Variants in SEC31B observed in about 807,000 individuals in gnomAD.
SEC31B encodes protein transport protein Sec31B.
In SEC31B, 113 loss-of-function variants were observed where a neutral mutation model predicts 135.0. That is an observed-to-expected ratio of 0.84 (90% confidence interval 0.72 to 0.98). SEC31B has a LOEUF of 0.98. Ranked by LOEUF, SEC31B falls within the 50% of genes least tolerant of loss-of-function variation. The pLI, the probability that SEC31B is intolerant of heterozygous loss-of-function variation, is 0.00. For missense variants in SEC31B, 1,296 were observed against 1,421.1 expected (o/e 0.91, Z 1.42); for synonymous variants, 508 against 549.4 (o/e 0.92, Z 1.05).
At chr10:100,511,767 C>T (rs1851741559) in intron 3 of SEC31B, among the ~76,000 whole-genome samples, 1 of 152,130 alleles carries the variant, frequency 6.6e-6, no homozygotes, top group South Asian at 2.1e-4. Flanking sequence ...CACATTCAAG[C>T]CAAAATAACT....
chr10:100,490,521 C>G (rs1851282464), intron 20 of SEC31B, 185 bp downstream of exon 20: 2 of 850,806 alleles, frequency 2.4e-6, no homozygotes, highest in Non-Finnish European at 3.5e-6. Context: ...TTGAAATAAG[C>G]AACACAACAC....
intron 5 of SEC31B, chr10:100,508,488 G>C (rs1480774191): frequency 2.2e-6 from 1 of 464,848 alleles, no homozygotes; most frequent in East Asian, 6.8e-5. Context: ...ACAGAAGAAA[G>C]AGAAAAGGCC....
rs1273568919 is a variant in SEC31B, at chr10:100,488,790, C to A, written c.3288+68G>T. On this transcript the variant is annotated intron_variant, in intron 24 of 25. Transcript: ENST00000370345. ...AAGAGAGTCACACAAGGAACTGGTC[C>A]ACAGCTGAGGGGTCCTGGAGCCAGC... 2.7e-6 allele frequency: 4 copies of A among 1,502,446 alleles called. No individual in the cohort carries two copies. In the East Asian group the frequency reaches 9.5e-5, roughly 36 times the overall value. 93.1% of individuals were successfully genotyped at this position (1,502,446 alleles called of 1,614,324 possible). A position where few individuals can be genotyped will look rare whatever the true frequency, so the allele number is the denominator to read the frequency against.
chr10:100,499,284 G>T, intron 12 of SEC31B, 26 bp from the exon 13 acceptor site: 1 of 1,542,744 alleles, frequency 6.5e-7, no homozygotes, highest in Non-Finnish European at 8.9e-7. Flanking sequence ...TCTGAAAACC[G>T]CTCTTTCAAG....
At chr10:100,512,202 C>G (rs923602224) in intron 3 of SEC31B, among the ~76,000 whole-genome samples, 11 of 152,186 alleles carry the variant, frequency 7.2e-5, no homozygotes, top group Non-Finnish European at 1.2e-4. Context: ...AGATCCTCTA[C>G]TTTCTCCATG....
Position 100,490,890 on chromosome 10 carries a change from A to G in SEC31B, c.2473-7T>C, listed in dbSNP as rs1358577453. On this transcript the variant is annotated splice_polypyrimidine_tract_variant and splice_region_variant and intron_variant, in intron 19 of 25. Transcript: ENST00000370345. Reference sequence around the variant, plus strand: ...TTGGAGATGGAGTTGGGACCTATGAAGAGAAAAAAACATCAGCTCTTGGAA... The same window carrying G: ...TTGGAGATGGAGTTGGGACCTATGAGGAGAAAAAAACATCAGCTCTTGGAA... The G allele has an allele frequency of 7.0e-7, 1 of 1,425,742 alleles. No individual in the cohort carries two copies. Among genetic ancestry groups the G allele is most frequent in the South Asian group, 1.8e-5 (1 of 56,898 alleles). The allele number at this position is 1,425,742 out of a possible 1,614,324, so 88.3% of individuals were successfully genotyped here.
intron 11 of SEC31B, 80 bp from the exon 12 acceptor site, chr10:100,499,678 T>C: frequency 2.0e-6 from 2 of 1,019,554 alleles, no homozygotes; most frequent in Non-Finnish European, 3.0e-6. Flanking sequence ...TGGGTATCTG[T>C]GCCAGTATAC....
In SEC31B at chr10:100,490,238, C is replaced by G. The variant is rs372086301; in HGVS notation, c.2735G>C (p.Gly912Ala). The change falls in exon 21 of 26, where the codon GGT (glycine) becomes GCT (alanine). Residue 912 changes from glycine (G) to alanine (A), a missense_variant. Coordinates refer to ENST00000370345, the MANE Select transcript of SEC31B (RefSeq NM_015490.4). ...VGFPGTWPLP[G>A]SPLPMACPGI... ...TGGGCATGCCATGGGTAGAGGGGAA[C>G]CAGGAAGAGGCCATGTCCCAGGGAA... 6.1e-5 allele frequency: 98 copies of G among 1,613,422 alleles called. No individual in the cohort carries two copies. In the Middle Eastern group the frequency reaches 1.2e-3, roughly 19 times the overall value.
intron 3 of SEC31B, 88 bp downstream of exon 3, chr10:100,516,008 C>T (rs1851835384): frequency 6.8e-6 from 10 of 1,475,448 alleles, no homozygotes; most frequent in Admixed American, 2.3e-5. Flanking sequence ...CCTCACTTGG[C>T]TCCTCATGAG....
intron 15 of SEC31B, 85 bp from the exon 16 acceptor site, chr10:100,497,878 C>T: frequency 1.9e-6 from 3 of 1,606,826 alleles, no homozygotes; most frequent in South Asian, 1.1e-5. Flanking sequence ...CCTGTTAGAG[C>T]ACTGAGTAGG....
rs1589737640 is a variant in SEC31B at position 100,505,815 on chromosome 10, C to G, written c.1044+225G>C. On this transcript the variant is annotated intron_variant, in intron 9 of 25. Transcript: ENST00000370345. ...GGGTCCCACGGTCCCTGAAATACTA[C>G]AGGGCCCATCCAATAACAAGAGTCA... The G allele has an allele frequency of 5.5e-6, 8 of 1,455,952 alleles. No homozygotes were observed. In the East Asian group the frequency reaches 1.9e-4, roughly 35 times the overall value. The allele number at this position is 1,455,952 out of a possible 1,614,324, so 90.2% of individuals were successfully genotyped here. A position where few individuals can be genotyped will look rare whatever the true frequency, so the allele number is the denominator to read the frequency against.
At chr10:100,495,667 T>C (rs1477165404) in intron 18 of SEC31B, 121 bp from the exon 19 acceptor site, 1 of 1,066,152 alleles carries the variant, frequency 9.4e-7, no homozygotes, top group Non-Finnish European at 1.4e-6. Context: ...ATTTTGTTGT[T>C]GTTGTTGTTC....
intron 1 of SEC31B, among the ~76,000 whole-genome samples, chr10:100,518,258 T>G (rs979860739): frequency 5.3e-5 from 8 of 152,210 alleles, no homozygotes; most frequent in Non-Finnish European, 1.5e-5. Flanking sequence ...CACTAGCCTT[T>G]AATTTCCTGA....
In SEC31B at chr10:100,500,232, C is replaced by A. The variant is rs1277264066; in HGVS notation, c.1411-634G>T. ...CACAGAAGACACCTGCCTGATGCTA[C>A]CCTGCTGTGGTCCCTATCCCATATC... On this transcript the variant is annotated intron_variant, in intron 11 of 25. Coordinates refer to ENST00000370345, the MANE Select transcript of SEC31B (RefSeq NM_015490.4). 12 of 456,288 alleles carry A rather than the reference C, an allele frequency of 2.6e-5. No individual in the cohort carries two copies. The East Asian group carries it at 8.3e-4, about 32-fold the overall frequency. 28.3% of individuals were successfully genotyped at this position (456,288 alleles called of 1,614,324 possible). A position where few individuals can be genotyped will look rare whatever the true frequency, so the allele number is the denominator to read the frequency against.
At position 100,489,767 on chromosome 10, in the gene SEC31B, G is replaced by T. The variant is rs370962483; in HGVS notation, c.2966-6C>A. ...TTTCCAGGAATCTTGAGGTCCTATAGAATAAAAAGATAGAGGTTTTTCGGC... is the reference window on the plus strand; with the variant it reads ...TTTCCAGGAATCTTGAGGTCCTATATAATAAAAAGATAGAGGTTTTTCGGC... On this transcript the variant is annotated splice_region_variant and splice_polypyrimidine_tract_variant and intron_variant, in intron 21 of 25. Transcript: ENST00000370345. The T allele has an allele frequency of 6.2e-6, 10 of 1,613,926 alleles. No homozygotes were observed. The highest frequency in any genetic ancestry group is 8.5e-6 in the Non-Finnish European group (10 of 1,179,948).
chr10:100,503,133 C>G (rs1851553948), intron 10 of SEC31B, among the ~76,000 whole-genome samples: 2 of 152,174 alleles, frequency 1.3e-5, no homozygotes. Context: ...TGCTCCACAT[C>G]CCTAAAATGC....
At chr10:100,497,829 A>G in intron 15 of SEC31B, 36 bp from the exon 16 acceptor site, 1 of 1,614,110 alleles carries the variant, frequency 6.2e-7, no homozygotes, top group Non-Finnish European at 8.5e-7. Context: ...ACCATCAGCC[A>G]TCCATCCAGC....
chr10:100,488,136 A>G (rs765882043), intron 24 of SEC31B, 38 bp from the exon 25 acceptor site: 2 of 1,559,302 alleles, frequency 1.3e-6, no homozygotes, highest in Non-Finnish European at 8.8e-7. Flanking sequence ...CCAGCCCCTA[A>G]GTCTAACACC....
chr10:100,515,386 T>C (rs1038739116), intron 3 of SEC31B, among the ~76,000 whole-genome samples: 1 of 152,198 alleles, frequency 6.6e-6, no homozygotes, highest in Non-Finnish European at 1.5e-5. Context: ...TCTGATGATA[T>C]AAACATTTGG....
Sources: gnomAD v4.1 joint callset for allele counts (sites outside exome capture counted in the v4.1 genomes callset) on GRCh38, gnomAD v4.1.1 for gene constraint, MANE v1.5 for transcripts, NCBI Gene and HGNC (gene_info 2026-07-23, HGNC 2026-07-21) for gene names.